PDE7B: variants seen among roughly 807,000 people sequenced by gnomAD.
PDE7B encodes 3',5'-cyclic-AMP phosphodiesterase 7B.
A neutral mutation model predicts 56.2 loss-of-function variants in PDE7B; 29 were observed. The observed-to-expected ratio is 0.52, with a 90% CI of 0.38 to 0.70. PDE7B has a LOEUF of 0.70. PDE7B is among the 30% of genes least tolerant of loss of function. The pLI, the probability that PDE7B is intolerant of heterozygous loss-of-function variation, is 0.00. For missense variants in PDE7B, 490 were observed against 565.0 expected, an observed-to-expected ratio of 0.87 and a Z score of 1.35; for synonymous variants, 197 against 196.9, an observed-to-expected ratio of 1.00 and a Z score of 0.00.
chr6:136,108,673 A>G (rs1777693957), intron 2 of PDE7B, 58 bp from the exon 3 acceptor site: 15 of 1,117,762 alleles, frequency 1.3e-5, no homozygotes, highest in Non-Finnish European at 1.5e-5. Flanking sequence ...TTTACAGGGG[A>G]AAAGTGAATG....
intron 1 of PDE7B, among the ~76,000 whole-genome samples, chr6:135,929,576 A>G (rs1447295110): frequency 6.6e-6 from 1 of 152,190 alleles, no homozygotes; most frequent in Non-Finnish European, 1.5e-5. Context: ...TGTTTGTTTT[A>G]GTTTTTTCCT....
intron 2 of PDE7B, among the ~76,000 whole-genome samples, chr6:136,056,949 A>T (rs1423878966): frequency 6.6e-6 from 1 of 152,096 alleles, no homozygotes; most frequent in African/African-American, 2.4e-5. Context: ...CATTAGGCAT[A>T]CTTCTCTTTA....
At chr6:135,872,625 A>G (rs562460358) in intron 1 of PDE7B, among the ~76,000 whole-genome samples, 40 of 152,188 alleles carry the variant, frequency 2.6e-4, no homozygotes, top group Non-Finnish European at 5.0e-4. Context: ...AACATTGTGG[A>G]CCCTCCCTAC....
chr6:136,101,768 C>T (rs970320424), intron 2 of PDE7B, among the ~76,000 whole-genome samples: 1 of 152,212 alleles, frequency 6.6e-6, no homozygotes, highest in African/African-American at 2.4e-5. Context: ...GAGTCTACAT[C>T]TTCCTGTAGT....
chr6:136,048,748 C>T (rs1473769682), intron 2 of PDE7B, among the ~76,000 whole-genome samples: 2 of 152,122 alleles, frequency 1.3e-5, no homozygotes, highest in Non-Finnish European at 1.5e-5. Flanking sequence ...TTAGGGTGAG[C>T]ATACTAACGA....
chr6:136,138,417 T>C (rs1283159001), intron 3 of PDE7B, among the ~76,000 whole-genome samples: 1 of 152,144 alleles, frequency 6.6e-6, no homozygotes, highest in African/African-American at 2.4e-5. Context: ...CCTCCCATCT[T>C]CAGCTTCTTA....
At chr6:136,026,846 A>G (rs1001608580) in intron 2 of PDE7B, among the ~76,000 whole-genome samples, 31 of 152,334 alleles carry the variant, frequency 2.0e-4, no homozygotes, top group African/African-American at 7.0e-4. Context: ...ATCATGCTTC[A>G]TTATTAGCAA....
At chr6:135,948,062 C>G (rs889799004) in intron 2 of PDE7B, among the ~76,000 whole-genome samples, 5 of 151,952 alleles carry the variant, frequency 3.3e-5, no homozygotes, top group South Asian at 2.1e-4. Context: ...ATGCCTTTGA[C>G]AAACTCTTTT....
At chr6:135,884,007 A>T (rs1487126967) in intron 1 of PDE7B, among the ~76,000 whole-genome samples, 3 of 152,178 alleles carry the variant, frequency 2.0e-5, no homozygotes, top group African/African-American at 7.2e-5. Flanking sequence ...CATTTAATAC[A>T]CTGAATATGA....
At chr6:135,912,538 A>G (rs1776230602) in intron 1 of PDE7B, among the ~76,000 whole-genome samples, 2 of 152,124 alleles carry the variant, frequency 1.3e-5, no homozygotes, top group Non-Finnish European at 2.9e-5. Context: ...CCAAGGGACT[A>G]TATTTCTAAA....
At chr6:136,082,298 C>A (rs1407153665) in intron 2 of PDE7B, among the ~76,000 whole-genome samples, 1 of 152,160 alleles carries the variant, frequency 6.6e-6, no homozygotes, top group Non-Finnish European at 1.5e-5. Context: ...CGCTGTTGCT[C>A]CATACGTTGC....
chr6:136,185,572 T>C (rs1779131203), intron 11 of PDE7B, among the ~76,000 whole-genome samples: 1 of 151,936 alleles, frequency 6.6e-6, no homozygotes, highest in African/African-American at 2.4e-5. Context: ...CTAGGCAACG[T>C]AGAGATCCTA....
chr6:136,079,081 C>T (rs12529009), intron 2 of PDE7B, among the ~76,000 whole-genome samples: 2 of 152,118 alleles, frequency 1.3e-5, no homozygotes, highest in Non-Finnish European at 2.9e-5. Flanking sequence ...ATAATCCATT[C>T]TAAGTTGAAA....
At chr6:136,074,880 T>C (rs144785443) in intron 2 of PDE7B, among the ~76,000 whole-genome samples, 1 of 152,206 alleles carries the variant, frequency 6.6e-6, no homozygotes, top group African/African-American at 2.4e-5. Flanking sequence ...ATAGTGCTGC[T>C]GTGCACATGG....
rs369022713 is a variant in PDE7B, at chr6:136,015,647, G to A, written c.82+68123G>A. 9.2e-5 allele frequency among the ~76,000 whole-genome samples: 14 copies of A among 152,238 alleles called. 1 individual carries two copies. Among genetic ancestry groups the A allele is most frequent in the Admixed American group, 5.2e-4 (8 of 15,298 alleles). ...CAACTATGAAAGTGACAAACACTGAGTCGCTGGCATTCAGATAACCCCTCT... is the reference window on the plus strand; with the variant it reads ...CAACTATGAAAGTGACAAACACTGAATCGCTGGCATTCAGATAACCCCTCT... On this transcript the variant is annotated intron_variant, in intron 2 of 12. Transcript: ENST00000308191.
chr6:135,950,614 C>T (rs1774681541), intron 2 of PDE7B, among the ~76,000 whole-genome samples: 1 of 152,148 alleles, frequency 6.6e-6, no homozygotes, highest in Non-Finnish European at 1.5e-5. Flanking sequence ...CCTTGGCTCA[C>T]TCCCCTGGAA....
At chr6:135,921,848 T>TA (rs796829215) in intron 1 of PDE7B, among the ~76,000 whole-genome samples, 16 of 152,006 alleles carry the variant, frequency 1.1e-4, no homozygotes, top group African/African-American at 3.1e-4. Flanking sequence ...CTTTCTACTA[T>TA]AAAAAAATAC....
At chr6:135,937,424 A>G (rs751611514) in intron 1 of PDE7B, among the ~76,000 whole-genome samples, 2 of 151,922 alleles carry the variant, frequency 1.3e-5, no homozygotes, top group Non-Finnish European at 2.9e-5. Context: ...TCTGAATCCC[A>G]TTCCCTTCTA....
chr6:136,021,348 T>C (rs1396249454), intron 2 of PDE7B, among the ~76,000 whole-genome samples: 1 of 152,190 alleles, frequency 6.6e-6, no homozygotes, highest in Non-Finnish European at 1.5e-5. Flanking sequence ...AAATCCTACC[T>C]GCAAAATATT....
Sources: gnomAD v4.1 joint callset for allele counts (sites outside exome capture counted in the v4.1 genomes callset) on GRCh38, gnomAD v4.1.1 for gene constraint, MANE v1.5 for transcripts, NCBI Gene and HGNC (gene_info 2026-07-23, HGNC 2026-07-21) for gene names.